Variants in NIPA2 observed in about 807,000 individuals in gnomAD.
The protein encoded by NIPA2 is magnesium transporter NIPA2.
Under a neutral mutation model 29.7 loss-of-function variants are expected in NIPA2, and 11 were observed. The observed-to-expected ratio is 0.37, with a 90% CI of 0.23 to 0.61. The LOEUF (loss-of-function observed/expected upper bound fraction) is 0.61. Ranked by LOEUF, NIPA2 falls within the 20% of genes least tolerant of loss-of-function variation. NIPA2 has a pLI of 0.66. For synonymous variants in NIPA2, 183 were observed against 161.9 expected, an observed-to-expected ratio of 1.13 and a Z score of -0.99; for missense variants, 426 against 437.9, an observed-to-expected ratio of 0.97 and a Z score of 0.24.
chr15:22,866,381 T>C lies in NIPA2; in HGVS notation c.617T>C (p.Leu206Pro), dbSNP rs1221214538. ...VKGLGIAIKE[L>P]FAGKPVLRHP... Reference sequence around the variant, plus strand: ...GGCCTGGGCATTGCTATCAAGGAGCTGTTTGCAGGGAAGCCTGTGCTGCGG... The same window carrying C: ...GGCCTGGGCATTGCTATCAAGGAGCCGTTTGCAGGGAAGCCTGTGCTGCGG... The change falls in exon 8 of 8, where the codon CTG becomes CCG. Residue 206 changes from leucine (L) to proline (P), a missense_variant. Leu to Pro is a moderately conservative substitution (Grantham distance 98). This residue lies in a region of NIPA2 where 357 missense variants were observed against 339.8 expected (regional missense o/e 1.05). Coordinates refer to ENST00000337451, the MANE Select transcript of NIPA2 (RefSeq NM_030922.7). 1 of 1,614,118 alleles carries C rather than the reference T, an allele frequency of 6.2e-7. No individual in the cohort carries two copies. Among genetic ancestry groups the C allele is most frequent in the South Asian group, 1.1e-5 (1 of 91,090 alleles).
At position 22,867,438 on chromosome 15, in the gene NIPA2, A is replaced by C. The variant is rs956052384; in HGVS notation, c.*591A>C. On this transcript the variant is annotated 3_prime_UTR_variant, in exon 8 of 8. Transcript: ENST00000337451. ...CCAAGGAACGATTTCTCAGGTTGAG[A>C]TGATCACCGTGAATCCGGCTTCCTC... The C allele has an allele frequency of 2.8e-6, 1 of 361,972 alleles. No homozygotes were observed. Among genetic ancestry groups the C allele is most frequent in the African/African-American group, 2.1e-5 (1 of 47,882 alleles). The allele number at this position is 361,972 out of a possible 1,614,324, so 22.4% of individuals were successfully genotyped here. A position where few individuals can be genotyped will look rare whatever the true frequency, so the allele number is the denominator to read the frequency against.
chr15:22,839,999 C>G (rs1055495658), intron 2 of NIPA2, among the ~76,000 whole-genome samples: 1 of 152,160 alleles, frequency 6.6e-6, no homozygotes, highest in Non-Finnish European at 1.5e-5. Flanking sequence ...GGGCTCACTG[C>G]AACTTCCGCC....
In NIPA2 at chr15:22,839,642, T is replaced by C. The variant is rs1238685034; in HGVS notation, c.-351-13T>C. The C allele has an allele frequency of 1.3e-5, 2 of 152,228 alleles. No homozygotes were observed. Among genetic ancestry groups the C allele is most frequent in the Non-Finnish European group, 2.9e-5 (2 of 68,040 alleles). The allele number at this position is 152,228 out of a possible 1,614,324, so 9.4% of individuals were successfully genotyped here. ...TAAGTCTTTTGCCTACTTCTGTGTT[T>C]TCTTCTTTCTAGGCTGGAGCTACTC... is the stretch of plus-strand genomic sequence containing the variant. On this transcript the variant is annotated splice_polypyrimidine_tract_variant and intron_variant, in intron 1 of 7. Coordinates refer to ENST00000337451, the MANE Select transcript of NIPA2 (RefSeq NM_030922.7).
Position 22,851,694 on chromosome 15 carries a change from C to G in NIPA2, c.-38C>G. On this transcript the variant is annotated 5_prime_UTR_variant, in exon 4 of 8. The change creates a new upstream start codon in the 5' untranslated region. Coordinates refer to ENST00000337451, the MANE Select transcript of NIPA2 (RefSeq NM_030922.7). ...ACCAGCGGTTTCTCTGTTCTGTGAT[C>G]AATGTGATTCACAGGAACTCCTTAA... The G allele has an allele frequency of 6.4e-7, 1 of 1,574,746 alleles. No individual in the cohort carries two copies. Among genetic ancestry groups the G allele is most frequent in the South Asian group, 1.2e-5 (1 of 85,268 alleles).
chr15:22,841,991 C>T (rs897325460), intron 2 of NIPA2, among the ~76,000 whole-genome samples: 2 of 152,290 alleles, frequency 1.3e-5, no homozygotes, highest in Middle Eastern at 3.4e-3. Flanking sequence ...TCAGCAAGGC[C>T]TCCTAACTAT....
intron 3 of NIPA2, among the ~76,000 whole-genome samples, chr15:22,848,504 T>C (rs1255614301): frequency 6.6e-6 from 1 of 152,020 alleles, no homozygotes; most frequent in Non-Finnish European, 1.5e-5. Flanking sequence ...TACCACTGTA[T>C]CTGGCTGTTT....
In NIPA2 at chr15:22,838,689, A is replaced by C. The variant is rs1201870843; in HGVS notation, c.-584A>C. The C allele has an allele frequency of 6.6e-6, 1 of 152,462 alleles. No homozygotes were observed. The highest frequency in any genetic ancestry group is 1.5e-5 in the Non-Finnish European group (1 of 68,116). The allele number at this position is 152,462 out of a possible 1,614,324, so 9.4% of individuals were successfully genotyped here. On this transcript the variant is annotated 5_prime_UTR_variant, in exon 1 of 8. Coordinates refer to ENST00000337451, the MANE Select transcript of NIPA2 (RefSeq NM_030922.7). ...TCCGGCGCCGGCCCTAGGTCCCGGC[A>C]GCGGTGGTGACGGCGGTGCCGGAGG...
intron 5 of NIPA2, among the ~76,000 whole-genome samples, chr15:22,854,580 A>G (rs2058044014): frequency 6.6e-6 from 1 of 151,812 alleles, no homozygotes. Flanking sequence ...CCCCGTCTCT[A>G]CTAAAAATAG....
Position 22,866,845 on chromosome 15 carries a change from TAAGA to T in NIPA2, c.*2_*5del, listed in dbSNP as rs78803812. 408,506 of 1,585,162 alleles carry T rather than the reference TAAGA, an allele frequency of 0.26. 55,320 individuals are homozygous for T. The highest frequency in any genetic ancestry group is 0.33 in the Middle Eastern group (1,965 of 5,920). ...AAGAAATGGAAATCTGACAGCTTTT[TAAGA>T]AAGGTGTAATTAAAGGTTAATCTGT... On this transcript the variant is annotated stop_retained_variant and 3_prime_UTR_variant, in exon 8 of 8. Transcript: ENST00000337451.
At chr15:22,858,757 A>G (rs2058394049) in intron 6 of NIPA2, 127 bp downstream of exon 6, 2 of 517,394 alleles carry the variant, frequency 3.9e-6, no homozygotes, top group Middle Eastern at 5.5e-4. Flanking sequence ...CGCTTTTTAC[A>G]CTACGTAGTA....
intron 7 of NIPA2, among the ~76,000 whole-genome samples, chr15:22,862,239 G>C (rs968962998): frequency 6.6e-6 from 1 of 151,066 alleles, no homozygotes; most frequent in African/African-American, 2.4e-5. Flanking sequence ...GTAGAGACAG[G>C]GTTTCACCAG....
chr15:22,844,780 A>AC (rs1555379276), intron 2 of NIPA2, among the ~76,000 whole-genome samples: 2 of 152,128 alleles, frequency 1.3e-5, no homozygotes, highest in Admixed American at 6.5e-5. Flanking sequence ...AACAACAACA[A>AC]AAAAGCCCTT....
chr15:22,839,946 G>C (rs1896555103), intron 2 of NIPA2, among the ~76,000 whole-genome samples, 156 bp downstream of exon 2: 1 of 152,126 alleles, frequency 6.6e-6, no homozygotes, highest in South Asian at 2.1e-4. Context: ...TAATTTTTCT[G>C]AGCCAAGGTC....
chr15:22,864,168 T>G (rs2058808738), intron 7 of NIPA2, among the ~76,000 whole-genome samples: 1 of 152,150 alleles, frequency 6.6e-6, no homozygotes, highest in South Asian at 2.1e-4. Context: ...TTCTTTTTAT[T>G]TTTTTGAGAC....
Position 22,860,713 on chromosome 15 carries a change from A to C in NIPA2, c.372A>C (p.Thr124=). 1 of 1,602,846 alleles carries C rather than the reference A, an allele frequency of 6.2e-7. No homozygotes were observed. Among genetic ancestry groups the C allele is most frequent in the Non-Finnish European group, 8.5e-7 (1 of 1,174,770 alleles). ...IGCLLSILGS[T]VMVIHAPKEE... is the part of the protein sequence containing the mutation. Reference sequence around the variant, plus strand: ...GTTTGCTAAGTATTCTAGGATCTACAGTTATGGTCATTCATGCTCCAAAGG... The same window carrying C: ...GTTTGCTAAGTATTCTAGGATCTACCGTTATGGTCATTCATGCTCCAAAGG... Residue 124 remains threonine (T), a synonymous_variant, in exon 7 of 8, where the codon ACA becomes ACC. Transcript: ENST00000337451.
chr15:22,840,683 C>CT (rs774227158), intron 2 of NIPA2, among the ~76,000 whole-genome samples: 8 of 152,128 alleles, frequency 5.3e-5, no homozygotes, highest in Non-Finnish European at 8.8e-5. Context: ...GCATGTGACT[C>CT]TTTTTTACCC....
intron 5 of NIPA2, among the ~76,000 whole-genome samples, chr15:22,857,406 A>G (rs560802110): frequency 2.0e-5 from 3 of 149,900 alleles, no homozygotes; most frequent in South Asian, 4.2e-4. Context: ...ACGCCATTGC[A>G]GTGCAGACTG....
At chr15:22,862,898 C>CTTTTTTTT (rs59317671) in intron 7 of NIPA2, among the ~76,000 whole-genome samples, 14 of 110,250 alleles carry the variant, frequency 1.3e-4, no homozygotes, top group Non-Finnish European at 1.8e-4. Context: ...TGCCTTTATT[C>CTTTTTTTT]TTTTTTTTTT....
rs2059255563 is a variant in NIPA2, at chr15:22,868,022, T to TGTTC, written c.*1177_*1180dup. Reference sequence around the variant, plus strand: ...TTCCACCTAGGTGATGGGAAGAAAGTGTTCGCCTGTTCCAGCCTGTGGCTC... The same window carrying TGTTC: ...TTCCACCTAGGTGATGGGAAGAAAGTGTTCGTTCGCCTGTTCCAGCCTGTGGCTC... On this transcript the variant is annotated 3_prime_UTR_variant, in exon 8 of 8. Transcript: ENST00000337451. 6.6e-6 allele frequency: 1 copy of TGTTC among 152,198 alleles called. No homozygotes were observed. The highest frequency in any genetic ancestry group is 2.1e-4 in the South Asian group (1 of 4,820). The allele number at this position is 152,198 out of a possible 1,614,324, so 9.4% of individuals were successfully genotyped here.
Sources: gnomAD v4.1 joint callset for allele counts (sites outside exome capture counted in the v4.1 genomes callset) on GRCh38, gnomAD v4.1.1 for gene constraint, gnomAD v4.1.1 regional missense constraint, MANE v1.5 for transcripts, NCBI Gene and HGNC (gene_info 2026-07-23, HGNC 2026-07-21) for gene names.